Variants in TGFB2 observed in about 807,000 individuals in gnomAD.
TGFB2 encodes the protein transforming growth factor beta-2 proprotein.
TGFB2 carries 13 observed loss-of-function variants against 42.7 expected under a neutral mutation model. The ratio of observed to expected loss-of-function variants is 0.30; its 90% confidence interval spans 0.20 to 0.48. The LOEUF (loss-of-function observed/expected upper bound fraction) is 0.48, where lower values mean the gene tolerates loss of function less well. TGFB2 is among the 20% of genes least tolerant of loss of function. The pLI is 0.99. For missense variants in TGFB2, 390 were observed against 517.5 expected, an observed-to-expected ratio of 0.75 and a Z score of 2.39; for synonymous variants, 193 against 193.6, an observed-to-expected ratio of 1.00 and a Z score of 0.03.
rs74690771 is a variant in TGFB2, at chr1:218,394,306, A to T, written c.347-10863A>T. 4.7e-3 allele frequency among the ~76,000 whole-genome samples: 716 copies of T among 152,220 alleles called. 23 individuals are homozygous for T. The East Asian group carries it at 0.08, about 17-fold the overall frequency. The stretch of plus-strand genomic sequence containing the variant: ...ACACCCTACACAAACTGCCTGCACA[A>T]CCCTGAGCCTGATGAGGAATGTAGA... On this transcript the variant is annotated intron_variant, in intron 1 of 6. Coordinates refer to ENST00000366930, the MANE Select transcript of TGFB2 (RefSeq NM_003238.6).
chr1:218,434,476 G>A (rs1659908646), intron 4 of TGFB2, 28 bp downstream of exon 4: 6 of 1,375,640 alleles, frequency 4.4e-6, no homozygotes, highest in Middle Eastern at 1.8e-4. Context: ...ATATGAGGTG[G>A]GGGAGGGAAG....
chr1:218,349,690 A>G (rs1006843374), intron 1 of TGFB2, among the ~76,000 whole-genome samples: 2 of 152,256 alleles, frequency 1.3e-5, no homozygotes, highest in African/African-American at 4.8e-5. Flanking sequence ...GGGACATTTT[A>G]TAAAGTTCAG....
intron 1 of TGFB2, among the ~76,000 whole-genome samples, chr1:218,390,429 T>C (rs371036869): frequency 9.2e-5 from 14 of 152,144 alleles, no homozygotes; most frequent in Admixed American, 2.6e-4. Flanking sequence ...CCCGCTGGAT[T>C]AACTCCTTGG....
At chr1:218,424,223 T>C (rs1355832632) in intron 2 of TGFB2, among the ~76,000 whole-genome samples, 1 of 152,222 alleles carries the variant, frequency 6.6e-6, no homozygotes, top group African/African-American at 2.4e-5. Flanking sequence ...GATTTTAACA[T>C]TGTTATCACC....
intron 1 of TGFB2, among the ~76,000 whole-genome samples, chr1:218,371,430 A>G (rs1048698426): frequency 6.6e-6 from 1 of 152,174 alleles, no homozygotes; most frequent in Non-Finnish European, 1.5e-5. Context: ...TGAAATATGA[A>G]TATTTACTGC....
intron 1 of TGFB2, among the ~76,000 whole-genome samples, chr1:218,397,711 A>T (rs756696715): frequency 6.6e-6 from 1 of 152,196 alleles, no homozygotes; most frequent in Non-Finnish European, 1.5e-5. Context: ...GCAGACCACC[A>T]TCCATACTCT....
At chr1:218,350,415 T>A (rs1030574796) in intron 1 of TGFB2, among the ~76,000 whole-genome samples, 5 of 152,138 alleles carry the variant, frequency 3.3e-5, no homozygotes, top group Non-Finnish European at 7.4e-5. Context: ...GCCAGGGATG[T>A]TTCTAACCAT....
At chr1:218,404,404 A>G (rs1009058476) in intron 1 of TGFB2, among the ~76,000 whole-genome samples, 3 of 152,210 alleles carry the variant, frequency 2.0e-5, no homozygotes, top group Non-Finnish European at 4.4e-5. Context: ...GGCGTGACCC[A>G]CTGTGCCCGT....
intron 2 of TGFB2, among the ~76,000 whole-genome samples, chr1:218,428,149 T>C (rs1659687203): frequency 6.6e-6 from 1 of 152,238 alleles, no homozygotes; most frequent in Admixed American, 6.5e-5. Flanking sequence ...GAAGTGTCTG[T>C]TCATATCCTT....
chr1:218,363,462 T>C (rs1224360223), intron 1 of TGFB2: 2 of 1,559,392 alleles, frequency 1.3e-6, no homozygotes, highest in East Asian at 2.3e-5. Context: ...CATAGTTATA[T>C]CAAATCCATC....
chr1:218,392,536 T>C (rs1018217096), intron 1 of TGFB2, among the ~76,000 whole-genome samples: 2 of 152,196 alleles, frequency 1.3e-5, no homozygotes, highest in African/African-American at 4.8e-5. Context: ...GGTCAGAGGC[T>C]GAAGTGGGCC....
intron 1 of TGFB2, among the ~76,000 whole-genome samples, chr1:218,356,371 C>G (rs1657034972): frequency 6.6e-6 from 1 of 152,012 alleles, no homozygotes; most frequent in Non-Finnish European, 1.5e-5. Context: ...CATGCACCAC[C>G]ATGCCTGGCT....
intron 2 of TGFB2, among the ~76,000 whole-genome samples, chr1:218,410,335 A>G (rs992489345): frequency 1.3e-5 from 2 of 152,160 alleles, no homozygotes; most frequent in African/African-American, 4.8e-5. Context: ...TCCACCTGGG[A>G]TAGTTAGGAA....
At chr1:218,347,515 T>A (rs1571821843) in intron 1 of TGFB2, among the ~76,000 whole-genome samples, 1 of 152,270 alleles carries the variant, frequency 6.6e-6, no homozygotes. Flanking sequence ...GCGCCCCCTT[T>A]CCGTGCTGAC....
intron 1 of TGFB2, among the ~76,000 whole-genome samples, chr1:218,374,285 T>C (rs527404598): frequency 1.4e-4 from 22 of 152,230 alleles, no homozygotes; most frequent in Non-Finnish European, 2.8e-4. Flanking sequence ...GGAAATTCCA[T>C]AGCCAGTTCC....
intron 1 of TGFB2, among the ~76,000 whole-genome samples, chr1:218,393,248 G>A (rs1258924839): frequency 1.3e-5 from 2 of 152,182 alleles, no homozygotes; most frequent in Non-Finnish European, 2.9e-5. Context: ...TTGCAGGGAT[G>A]AGCAAGAATG....
rs1466549762 is a variant in TGFB2 at position 218,363,689 on chromosome 1, A to T, written c.346+16642A>T. ...GAGATATGTGTTTTAGGGGTCACAG[A>T]GTGATTTGACATACACCTTTCCTGA... On this transcript the variant is annotated intron_variant, in intron 1 of 6. Transcript: ENST00000366930. 3.3e-5 allele frequency among the ~76,000 whole-genome samples: 5 copies of T among 152,154 alleles called. No individual in the cohort carries two copies. The East Asian group carries it at 9.6e-4, about 29-fold the overall frequency.
chr1:218,411,137 CA>C (rs1231556289), intron 2 of TGFB2, among the ~76,000 whole-genome samples: 1 of 152,210 alleles, frequency 6.6e-6, no homozygotes, highest in Non-Finnish European at 1.5e-5. Flanking sequence ...CACACCCTTT[CA>C]ATAGTCATTT....
intron 1 of TGFB2, among the ~76,000 whole-genome samples, chr1:218,350,112 C>T (rs967586475): frequency 2.0e-5 from 3 of 152,160 alleles, no homozygotes; most frequent in Non-Finnish European, 4.4e-5. Context: ...GTTTTAGAAA[C>T]TTAGAAAGGG....
Sources: gnomAD v4.1 joint callset for allele counts (sites outside exome capture counted in the v4.1 genomes callset) on GRCh38, gnomAD v4.1.1 for gene constraint, MANE v1.5 for transcripts, NCBI Gene and HGNC (gene_info 2026-07-23, HGNC 2026-07-21) for gene names.